DPP10: variants seen among roughly 807,000 people sequenced by gnomAD.
DPP10 encodes the protein inactive dipeptidyl peptidase 10.
DPP10 carries 33 observed loss-of-function variants against 120.9 expected under a neutral mutation model. That is an observed-to-expected ratio of 0.27 (90% CI 0.21 to 0.37). DPP10 has a LOEUF of 0.37. DPP10 is among the 10% of genes least tolerant of loss of function. The probability of loss-of-function intolerance (pLI) is 1.00; values close to 1 mark genes in which losing one functional copy is unlikely to be tolerated. For synonymous variants in DPP10, 337 were observed against 326.1 expected, an observed-to-expected ratio of 1.03 and a Z score of -0.36; for missense variants, 816 against 942.8, an observed-to-expected ratio of 0.87 and a Z score of 1.76.
At chr2:115,088,768 A>AAAAAAAAAACAAAAC (rs775985067) in intron 1 of DPP10, among the ~76,000 whole-genome samples, 2 of 134,940 alleles carry the variant, frequency 1.5e-5, no homozygotes, top group East Asian at 4.5e-4. Flanking sequence ...AAAAAAAAAA[A>AAAAAAAAAACAAAAC]ACCAAAAAAC....
At chr2:115,344,338 A>G (rs1430221962) in intron 3 of DPP10, among the ~76,000 whole-genome samples, 2 of 152,168 alleles carry the variant, frequency 1.3e-5, no homozygotes, top group African/African-American at 4.8e-5. Flanking sequence ...CATTAGTTAC[A>G]TGACTTTAAG....
At chr2:115,542,163 C>T (rs1262577026) in intron 5 of DPP10, among the ~76,000 whole-genome samples, 3 of 151,868 alleles carry the variant, frequency 2.0e-5, no homozygotes, top group Non-Finnish European at 2.9e-5. Flanking sequence ...GTAACTACCG[C>T]TACCATCACA....
At chr2:114,902,632 T>C (rs1693671450) in intron 1 of DPP10, among the ~76,000 whole-genome samples, 1 of 152,198 alleles carries the variant, frequency 6.6e-6, no homozygotes, top group South Asian at 2.1e-4. Context: ...CTGGTATTTT[T>C]AAAATAGACT....
At chr2:115,293,909 T>G (rs975724748) in intron 1 of DPP10, among the ~76,000 whole-genome samples, 3 of 152,080 alleles carry the variant, frequency 2.0e-5, no homozygotes, top group African/African-American at 4.8e-5. Context: ...ATACTCATTG[T>G]CTTCCCTGAC....
chr2:115,078,975 C>T (rs1158276258), intron 1 of DPP10, among the ~76,000 whole-genome samples: 1 of 152,112 alleles, frequency 6.6e-6, no homozygotes, highest in Admixed American at 6.5e-5. Flanking sequence ...CTATGATAAA[C>T]TTAAGGTTAT....
chr2:115,230,854 T>C (rs1254385744), intron 1 of DPP10, among the ~76,000 whole-genome samples: 1 of 151,966 alleles, frequency 6.6e-6, no homozygotes, highest in East Asian at 1.9e-4. Context: ...ATTTTTTCAG[T>C]CTCTAATATC....
At chr2:115,473,499 T>C (rs10496492) in intron 3 of DPP10, among the ~76,000 whole-genome samples, 40,225 of 152,038 alleles carry the variant, frequency 0.26, 6,358 homozygotes, top group East Asian at 0.41. Context: ...CCAATTACAT[T>C]CTTGGCAGCC....
intron 1 of DPP10, among the ~76,000 whole-genome samples, chr2:114,736,302 G>T (rs1022956803): frequency 2.0e-5 from 3 of 151,924 alleles, no homozygotes; most frequent in Non-Finnish European, 4.4e-5. Context: ...CTACATTCGA[G>T]TTCAATTCTG....
intron 2 of DPP10, among the ~76,000 whole-genome samples, chr2:115,312,510 G>C (rs2061623863): frequency 1.3e-5 from 2 of 152,118 alleles, no homozygotes; most frequent in African/African-American, 4.8e-5. Flanking sequence ...CAGACAGGAA[G>C]AATATCTGAG....
At chr2:114,920,185 A>G (rs1025534956) in intron 1 of DPP10, among the ~76,000 whole-genome samples, 1 of 152,192 alleles carries the variant, frequency 6.6e-6, no homozygotes, top group African/African-American at 2.4e-5. Flanking sequence ...ACAATCTAGC[A>G]CATCCCTCTG....
rs1312909185 is a variant in DPP10 at position 114,509,264 on chromosome 2, A to G, written c.60+66426A>G. On this transcript the variant is annotated intron_variant, in intron 1 of 25. Transcript: ENST00000410059. ...GCTTTTGTTTCTGACAAATAAAATAACCAAATAATCCCTGACTGAGACAAA... is the reference window on the plus strand; with the variant it reads ...GCTTTTGTTTCTGACAAATAAAATAGCCAAATAATCCCTGACTGAGACAAA... 2.0e-5 allele frequency among the ~76,000 whole-genome samples: 3 copies of G among 152,184 alleles called. No homozygotes were observed. The East Asian group carries it at 5.8e-4, about 29-fold the overall frequency.
intron 1 of DPP10, among the ~76,000 whole-genome samples, chr2:114,581,980 A>G (rs1226478660): frequency 6.6e-6 from 1 of 152,196 alleles, no homozygotes; most frequent in Non-Finnish European, 1.5e-5. Flanking sequence ...TCCAAACTAC[A>G]TAGTGTACTT....
At chr2:114,956,442 TGAA>T (rs1256573959) in intron 1 of DPP10, among the ~76,000 whole-genome samples, 3 of 152,026 alleles carry the variant, frequency 2.0e-5, no homozygotes, top group East Asian at 1.9e-4. Context: ...TGAAAAACAT[TGAA>T]GAAGAGACAA....
chr2:114,547,947 C>T (rs965960204), intron 1 of DPP10, among the ~76,000 whole-genome samples: 7 of 152,162 alleles, frequency 4.6e-5, no homozygotes, highest in Admixed American at 1.3e-4. Flanking sequence ...GATTCTCTCA[C>T]CTCATGCTGG....
intron 1 of DPP10, among the ~76,000 whole-genome samples, chr2:114,535,092 C>CAAAAA (rs5833550): frequency 6.6e-6 from 1 of 151,154 alleles, no homozygotes. Flanking sequence ...TTTGTTTCTA[C>CAAAAA]AAAAAAAAAC....
At chr2:115,781,331 G>A (rs1183290902) in intron 16 of DPP10, among the ~76,000 whole-genome samples, 2 of 151,840 alleles carry the variant, frequency 1.3e-5, no homozygotes, top group African/African-American at 2.4e-5. Context: ...AAAAGTAATA[G>A]TCTAGTCTTC....
intron 1 of DPP10, among the ~76,000 whole-genome samples, chr2:115,299,039 A>G (rs2061009898): frequency 2.6e-5 from 4 of 152,032 alleles, no homozygotes; most frequent in Non-Finnish European, 4.4e-5. Flanking sequence ...ACTGACTTTG[A>G]TATGTATGGA....
At chr2:115,142,866 C>G (rs2051004656) in intron 1 of DPP10, among the ~76,000 whole-genome samples, 1 of 152,116 alleles carries the variant, frequency 6.6e-6, no homozygotes, top group Non-Finnish European at 1.5e-5. Flanking sequence ...TTTTTTCTCC[C>G]TCTAAGAGAG....
chr2:115,507,180 A>C (rs1229768649), intron 4 of DPP10, among the ~76,000 whole-genome samples: 1 of 152,098 alleles, frequency 6.6e-6, no homozygotes, highest in Non-Finnish European at 1.5e-5. Flanking sequence ...TCTGTGTCTT[A>C]AAAACTTGTA....
Sources: gnomAD v4.1 joint callset for allele counts (sites outside exome capture counted in the v4.1 genomes callset) on GRCh38, gnomAD v4.1.1 for gene constraint, MANE v1.5 for transcripts, NCBI Gene and HGNC (gene_info 2026-07-23, HGNC 2026-07-21) for gene names.